The following ECRG4 variants were observed in gnomAD, a reference collection of about 807,000 sequenced individuals.
ECRG4 encodes augurin.
Under a neutral mutation model 15.8 loss-of-function variants are expected in ECRG4, and 18 were observed. The ratio of observed to expected loss-of-function variants is 1.14; its 90% CI spans 0.79 to 1.69. The LOEUF is 1.69. ECRG4 is among the 40% of genes most tolerant of loss of function. The pLI is 0.00. For synonymous variants in ECRG4, 82 were observed against 73.9 expected, an observed-to-expected ratio of 1.11 and a Z score of -0.56; for missense variants, 200 against 190.9, an observed-to-expected ratio of 1.05 and a Z score of -0.28.
Position 106,070,480 on chromosome 2 carries a change from C to CA in ECRG4, c.80-1361dup, listed in dbSNP as rs1293581189. ...CAAGTGACTTGGGCTGAGAGGCATT[C>CA]AAATTCAAAATTTGTAGACACTGGG... On this transcript the variant is annotated intron_variant, in intron 1 of 3. Transcript: ENST00000238044. Among the ~76,000 whole-genome samples the CA allele has an allele frequency of 3.3e-5, 5 of 152,270 alleles. 1 individual carries two copies. Among genetic ancestry groups the CA allele is most frequent in the African/African-American group, 1.2e-4 (5 of 41,564 alleles).
chr2:106,074,131 A>G, intron 3 of ECRG4, 88 bp downstream of exon 3: 6 of 1,505,324 alleles, frequency 4.0e-6, no homozygotes, highest in Non-Finnish European at 5.5e-6. Context: ...GAAGCAGAAA[A>G]TTCAGCTTTG....
Position 106,065,778 on chromosome 2 carries a change from C to T in ECRG4, c.14C>T (p.Pro5Leu), listed in dbSNP as rs1392362772. 1 of 1,483,496 alleles carries T rather than the reference C, an allele frequency of 6.7e-7. No individual in the cohort carries two copies. The highest frequency in any genetic ancestry group is 1.5e-5 in the African/African-American group (1 of 68,404). The allele number at this position is 1,483,496 out of a possible 1,614,324, so 91.9% of individuals were successfully genotyped here. MAAS[P>L]ARPAVLALTG... ...CGCCCCGCCGCCATGGCTGCCTCCC[C>T]CGCGCGGCCTGCTGTCCTGGCCCTG... The change falls in exon 1 of 4, where the codon CCC becomes CTC. Residue 5 changes from proline to leucine, a missense_variant. Pro to Leu is a moderately conservative substitution (Grantham distance 98). Coordinates refer to ENST00000238044, the MANE Select transcript of ECRG4 (RefSeq NM_032411.3).
At chr2:106,075,175 T>C (rs1260127290) in intron 3 of ECRG4, among the ~76,000 whole-genome samples, 1 of 152,246 alleles carries the variant, frequency 6.6e-6, no homozygotes. Flanking sequence ...GCCTTTTACT[T>C]AGACCACATT....
At position 106,078,001 on chromosome 2, in the gene ECRG4, T is replaced by G. The variant is rs1415947193; in HGVS notation, c.*75T>G. Reference sequence around the variant, plus strand: ...GTATCTCCTAATGCCTTACACTACTTGGTTTCTGATTTGCTCTATTTCAGC... The same window carrying G: ...GTATCTCCTAATGCCTTACACTACTGGGTTTCTGATTTGCTCTATTTCAGC... On this transcript the variant is annotated 3_prime_UTR_variant, in exon 4 of 4. Coordinates refer to ENST00000238044, the MANE Select transcript of ECRG4 (RefSeq NM_032411.3). 2.1e-6 allele frequency: 3 copies of G among 1,403,194 alleles called. No homozygotes were observed. The allele number at this position is 1,403,194 out of a possible 1,614,324, so 86.9% of individuals were successfully genotyped here. A position where few individuals can be genotyped will look rare whatever the true frequency, so the allele number is the denominator to read the frequency against.
At chr2:106,077,453 A>G (rs1370248291) in intron 3 of ECRG4, among the ~76,000 whole-genome samples, 1 of 152,188 alleles carries the variant, frequency 6.6e-6, no homozygotes, top group Non-Finnish European at 1.5e-5. Flanking sequence ...TTGTTATGGT[A>G]TTTGGGCACC....
In ECRG4 at chr2:106,065,708, T is replaced by A; in HGVS notation, c.-57T>A. 7.4e-7 allele frequency: 1 copy of A among 1,356,090 alleles called. No individual in the cohort carries two copies. Among genetic ancestry groups the A allele is most frequent in the Non-Finnish European group, 9.7e-7 (1 of 1,029,662 alleles). The allele number at this position is 1,356,090 out of a possible 1,614,324, so 84.0% of individuals were successfully genotyped here. On this transcript the variant is annotated 5_prime_UTR_variant, in exon 1 of 4. Transcript: ENST00000238044. ...CTCGCACCCCTCTCCCGCGCCCGGT[T>A]CTCCCTCGCAGCACCTCGAAGTGCG...
At chr2:106,073,772 G>C (rs534227783) in intron 2 of ECRG4, 114 bp from the exon 3 acceptor site, 1 of 1,292,796 alleles carries the variant, frequency 7.7e-7, no homozygotes, top group East Asian at 2.3e-5. Context: ...GAAGTTGAGA[G>C]TCAAAACCCT....
At chr2:106,074,208 T>C in intron 3 of ECRG4, 165 bp downstream of exon 3, 7 of 785,130 alleles carry the variant, frequency 8.9e-6, no homozygotes, top group Non-Finnish European at 1.4e-5. Context: ...TCATGTTACC[T>C]ATGGTGTAAG....
chr2:106,070,345 G>A (rs1011357132), intron 1 of ECRG4, among the ~76,000 whole-genome samples: 2 of 152,198 alleles, frequency 1.3e-5, no homozygotes, highest in Non-Finnish European at 2.9e-5. Flanking sequence ...GGGCAGGCCA[G>A]CAGGCTCCCT....
At position 106,078,089 on chromosome 2, in the gene ECRG4, C is replaced by A; in HGVS notation, c.*163C>A. On this transcript the variant is annotated 3_prime_UTR_variant, in exon 4 of 4. Transcript: ENST00000238044. ...GAGTTAAAACAACACATGTAAATGC[C>A]TTTTGATATTTCATGGGAATGCCTC... 1 of 495,636 alleles carries A rather than the reference C, an allele frequency of 2.0e-6. No homozygotes were observed. The highest frequency in any genetic ancestry group is 3.3e-6 in the Non-Finnish European group (1 of 303,522). The allele number at this position is 495,636 out of a possible 1,614,324, so 30.7% of individuals were successfully genotyped here. A position where few individuals can be genotyped will look rare whatever the true frequency, so the allele number is the denominator to read the frequency against.
At chr2:106,076,312 C>A (rs1441037922) in intron 3 of ECRG4, among the ~76,000 whole-genome samples, 1 of 152,132 alleles carries the variant, frequency 6.6e-6, no homozygotes, top group African/African-American at 2.4e-5. Context: ...AAGAGTGAAA[C>A]TCCCTCTTAA....
chr2:106,063,647 A>C (rs1466555493), upstream of ECRG4, among the ~76,000 whole-genome samples: 2 of 152,164 alleles, frequency 1.3e-5, no homozygotes, highest in East Asian at 3.8e-4. Flanking sequence ...CAGTGGCGCA[A>C]TCTCGGCTCA....
chr2:106,076,573 T>G (rs1353278717), intron 3 of ECRG4, among the ~76,000 whole-genome samples: 1 of 152,122 alleles, frequency 6.6e-6, no homozygotes, highest in East Asian at 1.9e-4. Flanking sequence ...CAAGAGTGGA[T>G]GACCACTGAG....
Position 106,065,815 on chromosome 2 carries a change from G to GCTGCTC in ECRG4, c.61_66dup (p.Leu21_Leu22dup), listed in dbSNP as rs1676198291. On this transcript the variant is annotated inframe_insertion, in exon 1 of 4. Coordinates refer to ENST00000238044, the MANE Select transcript of ECRG4 (RefSeq NM_032411.3). Reference sequence around the variant, plus strand: ...CTGTCCTGGCCCTGACCGGGCTGGCGCTGCTCCTGCTCCTGTGCTGGGGCC... The same window carrying GCTGCTC: ...CTGTCCTGGCCCTGACCGGGCTGGCGCTGCTCCTGCTCCTGCTCCTGTGCTGGGGCC... 2.0e-6 allele frequency: 3 copies of GCTGCTC among 1,485,002 alleles called. No individual in the cohort carries two copies. The highest frequency in any genetic ancestry group is 1.3e-5 in the South Asian group (1 of 78,220). 92.0% of individuals were successfully genotyped at this position (1,485,002 alleles called of 1,614,324 possible).
Position 106,077,746 on chromosome 2 carries a change from T to A in ECRG4, c.286-19T>A. ...TGACCTTAAATCCATTCTCTATCAT[T>A]CTCTCTCTTTTCCTCCAGAAATTTG... On this transcript the variant is annotated intron_variant, in intron 3 of 3. Transcript: ENST00000238044. 1 of 1,611,720 alleles carries A rather than the reference T, an allele frequency of 6.2e-7. No individual in the cohort carries two copies. Among genetic ancestry groups the A allele is most frequent in the Non-Finnish European group, 8.5e-7 (1 of 1,178,118 alleles).
intron 1 of ECRG4, among the ~76,000 whole-genome samples, chr2:106,068,696 C>A (rs1468703357): frequency 6.6e-6 from 1 of 152,226 alleles, no homozygotes; most frequent in African/African-American, 2.4e-5. Context: ...ATACTTAATT[C>A]TGTATGTACT....
chr2:106,069,493 T>C (rs1272571108), intron 1 of ECRG4, among the ~76,000 whole-genome samples: 2 of 151,738 alleles, frequency 1.3e-5, no homozygotes, highest in African/African-American at 4.8e-5. Context: ...ACCACCACAC[T>C]AGGCTAATTT....
chr2:106,072,570 T>C (rs1353896723), intron 2 of ECRG4, among the ~76,000 whole-genome samples: 1 of 152,212 alleles, frequency 6.6e-6, no homozygotes, highest in Non-Finnish European at 1.5e-5. Flanking sequence ...TAGTCAGTTA[T>C]TCTTTCCCTC....
At chr2:106,071,788 A>G in intron 1 of ECRG4, 56 bp from the exon 2 acceptor site, 1 of 1,488,340 alleles carries the variant, frequency 6.7e-7, no homozygotes, top group South Asian at 1.2e-5. Context: ...TTTGCCTTTG[A>G]TAAATTGAAG....
Sources: allele counts gnomAD v4.1 joint callset (sites outside exome capture counted in the v4.1 genomes callset), GRCh38; gene constraint gnomAD v4.1.1; transcripts MANE v1.5; gene names NCBI Gene and HGNC (gene_info 2026-07-23, HGNC 2026-07-21).